CLEC16A: variants seen among roughly 807,000 people sequenced by gnomAD.
CLEC16A encodes C-type lectin domain containing 16A.
A neutral mutation model predicts 109.5 loss-of-function variants in CLEC16A; 51 were observed. The observed-to-expected ratio is 0.47, with a 90% CI of 0.37 to 0.59. CLEC16A has a LOEUF of 0.59. Ranked by LOEUF, CLEC16A falls within the 20% of genes least tolerant of loss-of-function variation. CLEC16A has a pLI of 0.00. For missense variants in CLEC16A, 1,339 were observed against 1,394.0 expected (o/e 0.96, Z 0.63); for synonymous variants, 673 against 564.2 (o/e 1.19, Z -2.73).
At chr16:11,120,527 C>A in intron 19 of CLEC16A, 88 bp from the exon 20 acceptor site, 1 of 1,397,826 alleles carries the variant, frequency 7.2e-7, no homozygotes, top group South Asian at 1.6e-5. Context: ...GAGCTCTGCT[C>A]CTGATAGAAT....
intron 22 of CLEC16A, among the ~76,000 whole-genome samples, chr16:11,145,308 C>A (rs2054006310): frequency 6.6e-6 from 1 of 152,206 alleles, no homozygotes. Flanking sequence ...GCCCGATGAC[C>A]CACACTTAGC....
intron 13 of CLEC16A, among the ~76,000 whole-genome samples, chr16:11,032,648 G>C (rs1177605047): frequency 6.6e-6 from 1 of 152,206 alleles, no homozygotes; most frequent in East Asian, 1.9e-4. Flanking sequence ...AGTCAGGGTG[G>C]TCGGGGAGGG....
At chr16:10,978,115 A>T (rs960479471) in intron 8 of CLEC16A, among the ~76,000 whole-genome samples, 6 of 152,192 alleles carry the variant, frequency 3.9e-5, no homozygotes, top group African/African-American at 1.2e-4. Context: ...GATGGAGCAC[A>T]CTCAGGGAAC....
chr16:10,944,829 G>A, intron 1 of CLEC16A, 32 bp downstream of exon 1: 1 of 1,555,986 alleles, frequency 6.4e-7, no homozygotes, highest in African/African-American at 1.4e-5. Flanking sequence ...GGAGGCCTCG[G>A]GGCTGGACAG....
At chr16:10,947,788 TACCTTG>T (rs2041470146) in intron 1 of CLEC16A, among the ~76,000 whole-genome samples, 1 of 152,190 alleles carries the variant, frequency 6.6e-6, no homozygotes, top group Non-Finnish European at 1.5e-5. Flanking sequence ...AATACACTCT[TACCTTG>T]ACCTAGAGCA....
intron 23 of CLEC16A, among the ~76,000 whole-genome samples, chr16:11,176,680 GT>G (rs1187760469): frequency 4.6e-5 from 7 of 152,314 alleles, no homozygotes; most frequent in African/African-American, 1.7e-4. Context: ...TGAGGCTGCA[GT>G]GAGCTATGAT....
chr16:10,961,281 A>C lies in CLEC16A; in HGVS notation c.210-1174A>C, dbSNP rs1278117594. Reference sequence around the variant, plus strand: ...GGAGAAGATTGTAAGGGTCTTTTTTAGGCCATTTAAATTTTTTCATTTATC... The same window carrying C: ...GGAGAAGATTGTAAGGGTCTTTTTTCGGCCATTTAAATTTTTTCATTTATC... On this transcript the variant is annotated intron_variant, in intron 2 of 23. Transcript: ENST00000409790. The surrounding 1 kb of genome is among the most constrained non-coding windows in gnomAD (Gnocchi z 4.3). Among the ~76,000 whole-genome samples, 2 of 152,136 alleles carry C rather than the reference A, an allele frequency of 1.3e-5. No homozygotes were observed. The highest frequency in any genetic ancestry group is 2.9e-5 in the Non-Finnish European group (2 of 68,028).
At chr16:11,101,116 T>G (rs28538852) in intron 19 of CLEC16A, among the ~76,000 whole-genome samples, 4,352 of 152,304 alleles carry the variant, frequency 0.029, 212 homozygotes, top group African/African-American at 0.099. Context: ...GTAAACTCTT[T>G]GTTCGTGTTA....
chr16:11,048,329 G>C (rs953280484), intron 17 of CLEC16A: 1 of 152,330 alleles, frequency 6.6e-6, no homozygotes, highest in Non-Finnish European at 1.5e-5. Context: ...GCAGAATCGC[G>C]GGAAGCCATA....
chr16:11,056,332 A>G (rs2048212925), intron 18 of CLEC16A, among the ~76,000 whole-genome samples: 1 of 152,190 alleles, frequency 6.6e-6, no homozygotes, highest in Non-Finnish European at 1.5e-5. Context: ...TGTGGCTGTG[A>G]AGTGACAAGC....
intron 19 of CLEC16A, among the ~76,000 whole-genome samples, chr16:11,087,806 G>A (rs772434921): frequency 2.6e-5 from 4 of 152,246 alleles, no homozygotes; most frequent in Non-Finnish European, 4.4e-5. Flanking sequence ...AGAGGAGGAC[G>A]GGGCTTGCCC....
intron 10 of CLEC16A, among the ~76,000 whole-genome samples, chr16:10,990,800 C>G (rs908087488): frequency 6.6e-6 from 1 of 152,184 alleles, no homozygotes; most frequent in Admixed American, 6.5e-5. Flanking sequence ...TTCTGGGTTT[C>G]AATTAAAATC....
intron 18 of CLEC16A, among the ~76,000 whole-genome samples, chr16:11,058,469 T>C (rs536105077): frequency 1.2e-4 from 19 of 152,336 alleles, no homozygotes; most frequent in Middle Eastern, 6.8e-3. Context: ...TTATACTGTA[T>C]TGATTAGGGA....
intron 10 of CLEC16A, among the ~76,000 whole-genome samples, chr16:10,996,173 G>A (rs1009948342): frequency 3.3e-5 from 5 of 152,254 alleles, no homozygotes; most frequent in South Asian, 2.1e-4. Context: ...CACTCAACAC[G>A]TTGCATCTAT....
Position 10,954,020 on chromosome 16 carries a change from AAAG to A in CLEC16A, c.81-3757_81-3755del, listed in dbSNP as rs1314895388. ...AAAAGACTTGCACAGGCACCTCACA[AAAG>A]AAGATATTCAAACAGTCCATAAACA... On this transcript the variant is annotated intron_variant, in intron 1 of 23. Transcript: ENST00000409790. This position sits in a 1 kb window ranked among gnomAD's most constrained non-coding sequence, Gnocchi z 4.2. Among the ~76,000 whole-genome samples the A allele has an allele frequency of 6.6e-6, 1 of 152,056 alleles. No individual in the cohort carries two copies. The highest frequency in any genetic ancestry group is 1.5e-5 in the Non-Finnish European group (1 of 68,016).
Position 10,948,113 on chromosome 16 carries a change from T to A in CLEC16A, c.80+3316T>A, listed in dbSNP as rs60795382. On this transcript the variant is annotated intron_variant, in intron 1 of 23. Transcript: ENST00000409790. ...TTTCACCGTGTTAGCCAGGATGGTC[T>A]CGATCTCCTGACCTTGTGATCTGCC... 4.3e-4 allele frequency among the ~76,000 whole-genome samples: 65 copies of A among 152,298 alleles called. 1 individual carries two copies. In the East Asian group the frequency reaches 0.01, roughly 24 times the overall value.
intron 22 of CLEC16A, among the ~76,000 whole-genome samples, chr16:11,163,564 A>G (rs1363635270): frequency 6.6e-6 from 1 of 152,204 alleles, no homozygotes; most frequent in African/African-American, 2.4e-5. Flanking sequence ...CCCATTCCCA[A>G]AATAAAAGAA....
At chr16:11,060,471 G>A (rs2048420536) in intron 18 of CLEC16A, among the ~76,000 whole-genome samples, 2 of 152,212 alleles carry the variant, frequency 1.3e-5, no homozygotes, top group South Asian at 4.1e-4. Context: ...CAGAGCCCAT[G>A]CTGGTTTGGT....
In CLEC16A at chr16:10,954,184, G is replaced by T. The variant is rs2041876847; in HGVS notation, c.81-3598G>T. Among the ~76,000 whole-genome samples the T allele has an allele frequency of 6.6e-6, 1 of 152,052 alleles. No homozygotes were observed. Among genetic ancestry groups the T allele is most frequent in the Non-Finnish European group, 1.5e-5 (1 of 67,966 alleles). On this transcript the variant is annotated intron_variant, in intron 1 of 23. Coordinates refer to ENST00000409790, the MANE Select transcript of CLEC16A (RefSeq NM_015226.3). This position sits in a 1 kb window ranked among gnomAD's most constrained non-coding sequence, Gnocchi z 4.2. ...GGCCAAGAAACAAATGGAGTTCTCAGACCTTTCTTCCTGGCCACAGGTCTG... is the reference window on the plus strand; with the variant it reads ...GGCCAAGAAACAAATGGAGTTCTCATACCTTTCTTCCTGGCCACAGGTCTG...
Sources: gnomAD v4.1 joint callset for allele counts (sites outside exome capture counted in the v4.1 genomes callset) on GRCh38, gnomAD v4.1.1 for gene constraint, Gnocchi (gnomAD v3.1) non-coding constraint, MANE v1.5 for transcripts, NCBI Gene and HGNC (gene_info 2026-07-23, HGNC 2026-07-21) for gene names.